PAQR3: variants seen among roughly 807,000 people sequenced by gnomAD.
PAQR3 encodes Raf kinase trapping to Golgi.
In PAQR3, 39 loss-of-function variants were observed where a neutral mutation model predicts 41.7. The observed-to-expected ratio is 0.93, with a 90% CI of 0.72 to 1.22. PAQR3 has a LOEUF of 1.22. PAQR3 is among the 50% of genes most tolerant of loss of function. The probability of loss-of-function intolerance (pLI) is 0.00; values close to 1 mark genes in which losing one functional copy is unlikely to be tolerated. For synonymous variants in PAQR3, 140 were observed against 140.6 expected (o/e 1.00, Z 0.03); for missense variants, 366 against 385.6 (o/e 0.95, Z 0.42).
chr4:78,896,571 T>C (rs1733713860), intron 11 of PAQR3, among the ~76,000 whole-genome samples: 1 of 152,182 alleles, frequency 6.6e-6, no homozygotes, highest in Non-Finnish European at 1.5e-5. Flanking sequence ...ACATAGTTTT[T>C]CAGGAAACAT....
intron 1 of PAQR3, among the ~76,000 whole-genome samples, chr4:78,937,357 C>T (rs912283358): frequency 3.9e-5 from 6 of 152,192 alleles, no homozygotes; most frequent in African/African-American, 1.4e-4. Flanking sequence ...TGTAAATTAC[C>T]CTAGTAAAAC....
intron 5 of PAQR3, chr4:78,922,320 T>C: frequency 7.8e-7 from 1 of 1,286,660 alleles, no homozygotes; most frequent in South Asian, 1.2e-5. Flanking sequence ...CCTGAGGATC[T>C]GTGGGATGGA....
intron 5 of PAQR3, among the ~76,000 whole-genome samples, chr4:78,922,642 A>G (rs1735770172): frequency 6.6e-6 from 1 of 151,946 alleles, no homozygotes; most frequent in South Asian, 2.1e-4. Flanking sequence ...AATTGCTGTC[A>G]TTTATTCAGT....
downstream of PAQR3, among the ~76,000 whole-genome samples, chr4:78,910,377 C>G (rs540347064): frequency 4.6e-5 from 7 of 152,276 alleles, no homozygotes; most frequent in African/African-American, 1.7e-4. Flanking sequence ...TACGATGAGG[C>G]AGGGTGTAGG....
chr4:78,930,688 T>A (rs1042124443), intron 2 of PAQR3: 1 of 156,120 alleles, frequency 6.4e-6, no homozygotes. Context: ...ATGAATTAAT[T>A]TGTTTTTAAA....
chr4:78,898,163 T>G (rs181245957), intron 11 of PAQR3, among the ~76,000 whole-genome samples: 95 of 152,298 alleles, frequency 6.2e-4, no homozygotes, highest in African/African-American at 2.1e-3. Context: ...TGCAGGTATT[T>G]GAGGATGGCA....
rs1163531927 is a variant in PAQR3 at position 78,916,644 on chromosome 4, A to G, written c.*3895T>C. 1 of 151,914 alleles carries G rather than the reference A, an allele frequency of 6.6e-6. No individual in the cohort carries two copies. The highest frequency in any genetic ancestry group is 2.4e-5 in the African/African-American group (1 of 41,422). 9.4% of individuals were successfully genotyped at this position (151,914 alleles called of 1,614,324 possible). On this transcript the variant is annotated 3_prime_UTR_variant, in exon 6 of 6. Transcript: ENST00000512733. Reference sequence around the variant, plus strand: ...CATAATTACTGATACTCGAGTGATGACAGTAAGGCAAAAACAATATTGTGT... The same window carrying G: ...CATAATTACTGATACTCGAGTGATGGCAGTAAGGCAAAAACAATATTGTGT...
intron 5 of PAQR3, chr4:78,922,265 C>T: frequency 1.6e-6 from 2 of 1,242,124 alleles, no homozygotes; most frequent in Non-Finnish European, 2.1e-6. Context: ...TATTTCCATT[C>T]TTATTTAAAG....
chr4:78,930,372 G>T, intron 2 of PAQR3, 47 bp from the exon 3 acceptor site: 1 of 1,547,266 alleles, frequency 6.5e-7, no homozygotes, highest in Non-Finnish European at 8.7e-7. Context: ...AGAAACTAAA[G>T]CAACTTATGC....
rs144779524 is a variant in PAQR3, at chr4:78,926,609, A to G, written c.614T>C (p.Ile205Thr). ...LTQQWQRLRS[I>T]IFCSVSGYGV... is the part of the protein sequence containing the mutation. The stretch of plus-strand genomic sequence containing the variant: ...ATATCCCGAAACAGAACAAAAGATG[A>G]TAGAACGGAGCCTTTGCCATTGCTG... Residue 205 changes from isoleucine to threonine, a missense_variant, in exon 4 of 6, where the codon ATC (isoleucine) becomes ACC (threonine). Ile to Thr is a moderately conservative substitution (Grantham distance 89). Coordinates refer to ENST00000512733, the MANE Select transcript of PAQR3 (RefSeq NM_001040202.2). 1.9e-6 allele frequency: 3 copies of G among 1,614,086 alleles called. No individual in the cohort carries two copies. The highest frequency in any genetic ancestry group is 2.5e-6 in the Non-Finnish European group (3 of 1,179,924).
chr4:78,914,960 G>A lies in PAQR3; in HGVS notation c.*5579C>T, dbSNP rs545215876. 1.2e-4 allele frequency: 18 copies of A among 151,858 alleles called. No homozygotes were observed. The highest frequency in any genetic ancestry group is 5.2e-4 in the Admixed American group (8 of 15,242). 9.4% of individuals were successfully genotyped at this position (151,858 alleles called of 1,614,324 possible). A position where few individuals can be genotyped will look rare whatever the true frequency, so the allele number is the denominator to read the frequency against. On this transcript the variant is annotated 3_prime_UTR_variant, in exon 6 of 6. Transcript: ENST00000512733. ...GACCATTTGCTTATTTTAATATCAC[G>A]TCAGTAAAATGTTAGTATTAAAAAG... is the stretch of plus-strand genomic sequence containing the variant.
intron 11 of PAQR3, among the ~76,000 whole-genome samples, chr4:78,900,782 A>G (rs1447040508): frequency 1.3e-5 from 2 of 152,178 alleles, no homozygotes; most frequent in African/African-American, 4.8e-5. Flanking sequence ...GATTTCTGGG[A>G]AAGTTAAATT....
chr4:78,937,617 CT>C (rs113445031), intron 1 of PAQR3, among the ~76,000 whole-genome samples: 1 of 152,134 alleles, frequency 6.6e-6, no homozygotes, highest in Non-Finnish European at 1.5e-5. Flanking sequence ...CTTACTGAAT[CT>C]TTTTTTACCT....
intron 11 of PAQR3, among the ~76,000 whole-genome samples, chr4:78,903,357 T>G (rs1236826246): frequency 6.6e-6 from 1 of 152,006 alleles, no homozygotes; most frequent in Non-Finnish European, 1.5e-5. Flanking sequence ...CATAATTATT[T>G]CACAACTTTT....
In PAQR3 at chr4:78,923,544, T is replaced by C. The variant is rs1735878118; in HGVS notation, c.793+313A>G. On this transcript the variant is annotated intron_variant, in intron 5 of 5. Coordinates refer to ENST00000512733, the MANE Select transcript of PAQR3 (RefSeq NM_001040202.2). ...AGCTGGCATATAGAGAAGTAAATGG[T>C]AGTTGACGGTGTTCTACTTTTTAAA... 1.5e-5 allele frequency: 5 copies of C among 339,906 alleles called. No individual in the cohort carries two copies. The South Asian group carries it at 1.5e-4, about 10-fold the overall frequency. 21.1% of individuals were successfully genotyped at this position (339,906 alleles called of 1,614,324 possible).
downstream of PAQR3, chr4:78,911,014 A>C (rs778805169): frequency 6.2e-7 from 1 of 1,613,748 alleles, no homozygotes; most frequent in Non-Finnish European, 8.5e-7. Context: ...CTACAGAGAC[A>C]GATCTGGCAG....
Position 78,931,185 on chromosome 4 carries a change from T to TAA in PAQR3, c.349-862_349-861dup, listed in dbSNP as rs1553925635. ...GGCAACATAGGGAGACCTCATTTCTTAAAAAAAAAAAAAAAAAAAAAAAAA... is the reference window on the plus strand; with the variant it reads ...GGCAACATAGGGAGACCTCATTTCTTAAAAAAAAAAAAAAAAAAAAAAAAAAA... On this transcript the variant is annotated intron_variant, in intron 2 of 5. Transcript: ENST00000512733. Among the ~76,000 whole-genome samples the TAA allele has an allele frequency of 9.2e-4, 106 of 115,024 alleles. 1 individual carries two copies. The highest frequency in any genetic ancestry group is 2.7e-3 in the African/African-American group (75 of 27,448). 75.5% of individuals were successfully genotyped at this position (115,024 alleles called of 152,430 possible). A position where few individuals can be genotyped will look rare whatever the true frequency, so the allele number is the denominator to read the frequency against.
intron 4 of PAQR3, 78 bp from the exon 5 acceptor site, chr4:78,924,025 G>T (rs1735940938): frequency 4.6e-6 from 5 of 1,078,276 alleles, no homozygotes; most frequent in Non-Finnish European, 7.1e-6. Context: ...CTAATAGTGG[G>T]ATTTAAGATT....
intron 1 of PAQR3, 45 bp from the exon 2 acceptor site, chr4:78,935,328 T>C (rs759326944): frequency 1.2e-5 from 19 of 1,561,154 alleles, no homozygotes; most frequent in Admixed American, 3.6e-5. Context: ...ATTGGCCAAC[T>C]TACTGTCACG....
Sources: allele counts gnomAD v4.1 joint callset (sites outside exome capture counted in the v4.1 genomes callset), GRCh38; gene constraint gnomAD v4.1.1; transcripts MANE v1.5; gene names NCBI Gene and HGNC (gene_info 2026-07-23, HGNC 2026-07-21).